Variants in PPP1R1C observed in about 807,000 individuals in gnomAD.
PPP1R1C encodes protein phosphatase 1 regulatory inhibitor subunit 1C.
Under a neutral mutation model 17.4 loss-of-function variants are expected in PPP1R1C, and 15 were observed. That is an observed-to-expected ratio of 0.86 (90% CI 0.58 to 1.33). The LOEUF (loss-of-function observed/expected upper bound fraction) is 1.33. Ranked by LOEUF, PPP1R1C falls within the 40% of genes most tolerant of loss-of-function variation. The pLI is 0.00. For missense variants in PPP1R1C, 143 were observed against 130.0 expected (o/e 1.10, Z -0.48); for synonymous variants, 35 against 43.1 (o/e 0.81, Z 0.73).
At position 181,961,928 on chromosome 2, in the gene PPP1R1C, C is replaced by T; in HGVS notation, n.111+7294C>T. ...TTGGTCATCAGTGACCTTGTGGAGC[C>T]CATGGATGTCACTCCCCACAGACGG... On this transcript the variant is annotated intron_variant and non_coding_transcript_variant, in intron 1 of 5. Coordinates refer to the PPP1R1C transcript ENST00000464264. The surrounding 1 kb of genome is among the most constrained non-coding windows in gnomAD (Gnocchi z 5.8). The T allele has an allele frequency of 1.3e-6, 1 of 743,414 alleles. No individual in the cohort carries two copies. Among genetic ancestry groups the T allele is most frequent in the Non-Finnish European group, 2.5e-6 (1 of 404,888 alleles). The allele number at this position is 743,414 out of a possible 1,614,324, so 46.1% of individuals were successfully genotyped here. A position where few individuals can be genotyped will look rare whatever the true frequency, so the allele number is the denominator to read the frequency against.
At chr2:181,959,490 G>T (rs1341626927) in intron 1 of PPP1R1C, among the ~76,000 whole-genome samples, 1 of 152,054 alleles carries the variant, frequency 6.6e-6, no homozygotes, top group African/African-American at 2.4e-5. Context: ...CCATCAACTA[G>T]TTAATACATA....
At chr2:182,128,341 C>T (rs184987852) in intron 5 of PPP1R1C, among the ~76,000 whole-genome samples, 1 of 152,050 alleles carries the variant, frequency 6.6e-6, no homozygotes. Context: ...TGGGCAAGTC[C>T]CTTAACCACT....
At chr2:182,004,877 T>C (rs1685871122) in intron 2 of PPP1R1C, among the ~76,000 whole-genome samples, 1 of 152,210 alleles carries the variant, frequency 6.6e-6, no homozygotes, top group South Asian at 2.1e-4. Flanking sequence ...ACTGGAGTAC[T>C]GAATTAAAGC....
intron 2 of PPP1R1C, among the ~76,000 whole-genome samples, chr2:182,008,494 G>A (rs1431160117): frequency 6.6e-6 from 1 of 152,124 alleles, no homozygotes; most frequent in East Asian, 1.9e-4. Flanking sequence ...CTACAAAAGC[G>A]ACATAATGTT....
intron 2 of PPP1R1C, among the ~76,000 whole-genome samples, chr2:182,002,132 G>A (rs1685784251): frequency 6.6e-6 from 1 of 151,994 alleles, no homozygotes; most frequent in Non-Finnish European, 1.5e-5. Flanking sequence ...TTCCAGCTTA[G>A]AATGTTGATA....
intron 1 of PPP1R1C, among the ~76,000 whole-genome samples, chr2:181,958,414 G>A (rs148376022): frequency 3.9e-5 from 6 of 152,296 alleles, no homozygotes; most frequent in Non-Finnish European, 8.8e-5. Context: ...ACTGTGAGCT[G>A]TTAGAAGTAC....
chr2:181,993,900 GA>G (rs1418377001), intron 2 of PPP1R1C, among the ~76,000 whole-genome samples: 2 of 148,490 alleles, frequency 1.3e-5, no homozygotes, highest in African/African-American at 4.9e-5. Context: ...CAAAATAAAT[GA>G]AAAAAAAATG....
Position 182,117,567 on chromosome 2 carries a change from T to C in PPP1R1C, c.*272T>C, listed in dbSNP as rs1689625411. 1 of 323,470 alleles carries C rather than the reference T, an allele frequency of 3.1e-6. No individual in the cohort carries two copies. Among genetic ancestry groups the C allele is most frequent in the African/African-American group, 2.2e-5 (1 of 45,816 alleles). 20.0% of individuals were successfully genotyped at this position (323,470 alleles called of 1,614,324 possible). On this transcript the variant is annotated 3_prime_UTR_variant, in exon 5 of 5. Transcript: ENST00000682840. ...GTAAAAATTTGCATACATGTGACTG[T>C]TCTAACTTTAATACTGCCAGAGCTT...
At chr2:182,012,112 T>C (rs947549695) in intron 2 of PPP1R1C, among the ~76,000 whole-genome samples, 1 of 152,018 alleles carries the variant, frequency 6.6e-6, no homozygotes, top group African/African-American at 2.4e-5. Flanking sequence ...AACCTGTAAA[T>C]ATCTATTAGG....
At chr2:182,072,018 A>G (rs1006858784) in intron 4 of PPP1R1C, among the ~76,000 whole-genome samples, 1 of 152,224 alleles carries the variant, frequency 6.6e-6, no homozygotes, top group African/African-American at 2.4e-5. Context: ...TTGAGTCAGT[A>G]TTCTACAAAA....
chr2:182,037,804 G>A (rs1041829094), intron 2 of PPP1R1C, among the ~76,000 whole-genome samples: 4 of 152,006 alleles, frequency 2.6e-5, no homozygotes, highest in African/African-American at 9.7e-5. Flanking sequence ...AACCTAAAAT[G>A]TCATTTCCTA....
Position 181,964,207 on chromosome 2 carries a change from T to A in PPP1R1C, n.111+9573T>A, listed in dbSNP as rs116594579. On this transcript the variant is annotated intron_variant and non_coding_transcript_variant, in intron 1 of 5. Transcript: ENST00000464264. ...TAGCTCCCACAAAAAATGGAGAACATACAAAGTTTGTCTTCCTGTGCTTGG... is the reference window on the plus strand; with the variant it reads ...TAGCTCCCACAAAAAATGGAGAACAAACAAAGTTTGTCTTCCTGTGCTTGG... Among the ~76,000 whole-genome samples the A allele has an allele frequency of 4.8e-3, 730 of 152,302 alleles. 4 individuals are homozygous for A. The highest frequency in any genetic ancestry group is 0.016 in the African/African-American group (682 of 41,566).
intron 2 of PPP1R1C, among the ~76,000 whole-genome samples, chr2:181,999,169 TATATTTTGAAAC>T (rs1330440455): frequency 6.6e-6 from 1 of 152,140 alleles, no homozygotes; most frequent in African/African-American, 2.4e-5. Flanking sequence ...ATATTCAAAA[TATATTTTGAAAC>T]ATGTTTAGGA....
rs1279250936 is a variant in PPP1R1C, at chr2:181,957,397, AGC to A, written n.111+2764_111+2765del. Among the ~76,000 whole-genome samples the A allele has an allele frequency of 2.0e-5, 3 of 152,268 alleles. No individual in the cohort carries two copies. The highest frequency in any genetic ancestry group is 7.2e-5 in the African/African-American group (3 of 41,562). On this transcript the variant is annotated intron_variant and non_coding_transcript_variant, in intron 1 of 5. Coordinates refer to the PPP1R1C transcript ENST00000464264. The surrounding 1 kb of genome is among the most constrained non-coding windows in gnomAD (Gnocchi z 4.2). ...AAATTGTGCTAACTCTTATCAAGCAAGCCCTTGAAATTCCACTCAATTCATGA... is the reference window on the plus strand; with the variant it reads ...AAATTGTGCTAACTCTTATCAAGCAACCTTGAAATTCCACTCAATTCATGA...
chr2:182,050,525 T>A (rs1421286380), intron 2 of PPP1R1C, among the ~76,000 whole-genome samples: 1 of 152,176 alleles, frequency 6.6e-6, no homozygotes, highest in Non-Finnish European at 1.5e-5. Context: ...TGTATTCTGT[T>A]CATGTGTTAA....
chr2:182,035,260 A>G (rs888224574), intron 2 of PPP1R1C, among the ~76,000 whole-genome samples: 2 of 152,244 alleles, frequency 1.3e-5, no homozygotes, highest in East Asian at 3.8e-4. Flanking sequence ...GGTTGTTATT[A>G]TACAAAGCTG....
intron 4 of PPP1R1C, among the ~76,000 whole-genome samples, chr2:182,096,433 G>T (rs1395404490): frequency 6.6e-6 from 1 of 151,090 alleles, no homozygotes; most frequent in East Asian, 1.9e-4. Flanking sequence ...TTGGGGTATT[G>T]TATTCTGAGT....
chr2:182,043,833 C>T (rs1687259098), intron 2 of PPP1R1C, among the ~76,000 whole-genome samples: 1 of 152,164 alleles, frequency 6.6e-6, no homozygotes, highest in African/African-American at 2.4e-5. Context: ...TCTCTCATGG[C>T]TTTATTGACC....
chr2:182,073,984 A>C (rs1169159352), intron 4 of PPP1R1C, among the ~76,000 whole-genome samples: 1 of 151,690 alleles, frequency 6.6e-6, no homozygotes, highest in Non-Finnish European at 1.5e-5. Flanking sequence ...ATTTCTTGTG[A>C]GTGCTTTGAA....
Sources: allele counts gnomAD v4.1 joint callset (sites outside exome capture counted in the v4.1 genomes callset), GRCh38; gene constraint gnomAD v4.1.1; non-coding constraint Gnocchi (gnomAD v3.1); transcripts MANE v1.5; gene names NCBI Gene and HGNC (gene_info 2026-07-23, HGNC 2026-07-21).